The following BSX variants were observed in gnomAD, a reference collection of about 807,000 sequenced individuals.
BSX encodes brain-specific homeobox protein homolog.
BSX carries 12 observed loss-of-function variants against 16.9 expected under a neutral mutation model. That is an observed-to-expected ratio of 0.71 (90% CI 0.46 to 1.15). The LOEUF is 1.15. BSX is among the 50% of genes most tolerant of loss of function. The probability of loss-of-function intolerance (pLI) is 0.00; values close to 1 mark genes in which losing one functional copy is unlikely to be tolerated. For synonymous variants in BSX, 160 were observed against 136.4 expected (o/e 1.17, Z -1.20); for missense variants, 292 against 311.8 (o/e 0.94, Z 0.48).
At chr11:122,980,688 C>A (rs967194104) in intron 1 of BSX, among the ~76,000 whole-genome samples, 1 of 152,194 alleles carries the variant, frequency 6.6e-6, no homozygotes, top group South Asian at 2.1e-4. Flanking sequence ...CCCAAACAGA[C>A]TTTGCTAGCC....
chr11:122,981,362 G>T (rs1173291526), intron 1 of BSX, 48 bp downstream of exon 1: 1 of 1,463,636 alleles, frequency 6.8e-7, no homozygotes, highest in Admixed American at 2.5e-5. Context: ...GTCTGTGCTA[G>T]AAGCCCTGCT....
Position 122,977,824 on chromosome 11 carries a change from G to A in BSX, c.527C>T (p.Pro176Leu). The change falls in exon 3 of 3, where the codon CCC becomes CTC. Residue 176 changes from proline (P) to leucine (L), a missense_variant. This residue lies in a region of BSX where 107 missense variants were observed against 97.1 expected (regional missense o/e 1.10). Coordinates refer to ENST00000343035, the MANE Select transcript of BSX (RefSeq NM_001098169.2). This position sits in a 1 kb window ranked among gnomAD's most constrained non-coding sequence, Gnocchi z 4.5. ...KKQLRKSQDE[P>L]KAPDGPESPE... ...GCTTTCTGGCCCGTCTGGTGCTTTG[G>A]GTTCGTCTTGGCTTTTCCGCAGTTG... The A allele has an allele frequency of 6.2e-7, 1 of 1,614,004 alleles. No individual in the cohort carries two copies. Among genetic ancestry groups the A allele is most frequent in the Non-Finnish European group, 8.5e-7 (1 of 1,179,940 alleles).
Position 122,981,446 on chromosome 11 carries a change from C to G in BSX, c.226G>C (p.Gly76Arg). The G allele has an allele frequency of 6.4e-7, 1 of 1,567,606 alleles. No individual in the cohort carries two copies. Among genetic ancestry groups the G allele is most frequent in the Non-Finnish European group, 8.7e-7 (1 of 1,155,396 alleles). Residue 76 changes from glycine to arginine, a missense_variant, in exon 1 of 3, where the codon GGA (glycine) becomes CGA (arginine). Physicochemically the swap from Gly to Arg is moderately radical, Grantham distance 125 (BLOSUM62 -2). This residue lies in a region of BSX where 176 missense variants were observed against 187.2 expected (regional missense o/e 0.94). Coordinates refer to ENST00000343035, the MANE Select transcript of BSX (RefSeq NM_001098169.2). ...AGGAAATAAGGATGATGGTGGTCTC[C>G]CTTATGCAGAGGGTGATGGGCGTGA... ...APHAHHPLHKGDHHHPYFLTT... is the reference protein window; with the variant it reads ...APHAHHPLHKRDHHHPYFLTT...
chr11:122,978,286 T>C (rs1419250661), intron 2 of BSX, among the ~76,000 whole-genome samples: 1 of 151,944 alleles, frequency 6.6e-6, no homozygotes, highest in African/African-American at 2.4e-5. Flanking sequence ...GGAGAGAAAA[T>C]CAGACCCGGG....
chr11:122,978,385 A>C lies in BSX; in HGVS notation c.460-494T>G, dbSNP rs542906139. Among the ~76,000 whole-genome samples, 3 of 152,322 alleles carry C rather than the reference A, an allele frequency of 2.0e-5. No homozygotes were observed. The South Asian group carries it at 6.2e-4, about 32-fold the overall frequency. ...AGAGAGGATGGGGTTTTGAGGTTGCAGGTGAATAGCGCCTAGAGGAAGATA... is the reference window on the plus strand; with the variant it reads ...AGAGAGGATGGGGTTTTGAGGTTGCCGGTGAATAGCGCCTAGAGGAAGATA... On this transcript the variant is annotated intron_variant, in intron 2 of 2. Transcript: ENST00000343035.
intron 1 of BSX, among the ~76,000 whole-genome samples, chr11:122,980,197 T>G (rs1304809244): frequency 1.3e-5 from 2 of 151,186 alleles, no homozygotes; most frequent in Non-Finnish European, 2.9e-5. Context: ...GTTTGAGGGG[T>G]TTTTCCATGG....
chr11:122,977,922 G>A lies in BSX; in HGVS notation c.460-31C>T, dbSNP rs1312972742. The A allele has an allele frequency of 6.2e-7, 1 of 1,610,352 alleles. No homozygotes were observed. The highest frequency in any genetic ancestry group is 1.7e-5 in the Admixed American group (1 of 59,942). On this transcript the variant is annotated intron_variant, in intron 2 of 2. Transcript: ENST00000343035. The surrounding 1 kb of genome is among the most constrained non-coding windows in gnomAD (Gnocchi z 4.5). Reference sequence around the variant, plus strand: ...TTCGGGGAGATAAAAATAAAATCATGTCATTCCTCCAAATCTGAGCCATCG... The same window carrying A: ...TTCGGGGAGATAAAAATAAAATCATATCATTCCTCCAAATCTGAGCCATCG...
chr11:122,980,003 C>T (rs983976608), intron 1 of BSX, among the ~76,000 whole-genome samples: 5 of 152,174 alleles, frequency 3.3e-5, no homozygotes, highest in African/African-American at 1.2e-4. Context: ...TATCCCCCTG[C>T]AGCCAAAGGG....
At position 122,977,796 on chromosome 11, in the gene BSX, G is replaced by C. The variant is rs754123780; in HGVS notation, c.555C>G (p.Pro185=). Residue 185 remains proline (P), a synonymous_variant, in exon 3 of 3, where the codon CCC becomes CCG. Transcript: ENST00000343035. The surrounding 1 kb of genome is among the most constrained non-coding windows in gnomAD (Gnocchi z 4.5). ...CCTCTGAACCGCGGGGGCTGCCCTC[G>C]GGGCTTTCTGGCCCGTCTGGTGCTT... ...EPKAPDGPES[P]EGSPRGSEAA... is the part of the protein sequence containing the mutation. 26 of 1,613,856 alleles carry C rather than the reference G, an allele frequency of 1.6e-5. No homozygotes were observed. The East Asian group carries it at 4.7e-4, about 29-fold the overall frequency.
At chr11:122,979,174 C>A in intron 2 of BSX, 87 bp downstream of exon 2, 1 of 1,268,942 alleles carries the variant, frequency 7.9e-7, no homozygotes, top group Non-Finnish European at 1.1e-6. Flanking sequence ...TATTTCTACT[C>A]GAACTCCACA....
Position 122,977,574 on chromosome 11 carries a change from C to T in BSX, c.*75G>A. 2.0e-6 allele frequency: 3 copies of T among 1,507,968 alleles called. No individual in the cohort carries two copies. Among genetic ancestry groups the T allele is most frequent in the South Asian group, 2.6e-5 (2 of 77,264 alleles). The allele number at this position is 1,507,968 out of a possible 1,614,324, so 93.4% of individuals were successfully genotyped here. A position where few individuals can be genotyped will look rare whatever the true frequency, so the allele number is the denominator to read the frequency against. ...CCCGCCACGAGACTGGAGTCTGAGT[C>T]TTCCGGTCCAGGAGGGAACCGCGCT... is the stretch of plus-strand genomic sequence containing the variant. On this transcript the variant is annotated 3_prime_UTR_variant, in exon 3 of 3. Coordinates refer to ENST00000343035, the MANE Select transcript of BSX (RefSeq NM_001098169.2). This position sits in a 1 kb window ranked among gnomAD's most constrained non-coding sequence, Gnocchi z 4.5.
chr11:122,980,031 T>G (rs1386790520), intron 1 of BSX, among the ~76,000 whole-genome samples: 2 of 152,182 alleles, frequency 1.3e-5, no homozygotes, highest in African/African-American at 4.8e-5. Flanking sequence ...AACTGCCTTA[T>G]CCGGAGAAGC....
rs191133670 is a variant in BSX at position 122,978,863 on chromosome 11, C to T, written c.459+398G>A. 6.4e-4 allele frequency among the ~76,000 whole-genome samples: 81 copies of T among 127,092 alleles called. 1 individual carries two copies. Among genetic ancestry groups the T allele is most frequent in the Admixed American group, 3.7e-3 (36 of 9,810 alleles). The allele number at this position is 127,092 out of a possible 152,430, so 83.4% of individuals were successfully genotyped here. A position where few individuals can be genotyped will look rare whatever the true frequency, so the allele number is the denominator to read the frequency against. Reference sequence around the variant, plus strand: ...CTCTGTCGCCCACGCTGGAGTGCAGCGGCGCGATCTCGGCTCACTGCAACC... The same window carrying T: ...CTCTGTCGCCCACGCTGGAGTGCAGTGGCGCGATCTCGGCTCACTGCAACC... On this transcript the variant is annotated intron_variant, in intron 2 of 2. Transcript: ENST00000343035.
chr11:122,978,035 G>A, intron 2 of BSX, 144 bp from the exon 3 acceptor site: 1 of 967,072 alleles, frequency 1.0e-6, no homozygotes, highest in Non-Finnish European at 1.6e-6. Flanking sequence ...ATCGCCTTAA[G>A]CCGAATGAGA....
In BSX at chr11:122,977,729, G is replaced by T. The variant is rs1864514627; in HGVS notation, c.622C>A (p.Pro208Thr). The T allele has an allele frequency of 3.7e-6, 6 of 1,608,658 alleles. No individual in the cohort carries two copies. The Admixed American group carries it at 5.0e-5, about 13-fold the overall frequency. ...AEARLSLPAGPFVLTEPEDEV... is the reference protein window; with the variant it reads ...AEARLSLPAGTFVLTEPEDEV... ...TCCTCTGGCTCGGTCAGCACGAAGG[G>T]ACCGGCGGGCAGGCTCAGCCGAGCC... The change falls in exon 3 of 3, where the codon CCC (proline) becomes ACC (threonine). Residue 208 changes from proline to threonine, a missense_variant. By Grantham distance (38) the Pro-to-Thr change is conservative (BLOSUM62 -1). Transcript: ENST00000343035. The surrounding 1 kb of genome is among the most constrained non-coding windows in gnomAD (Gnocchi z 4.5).
chr11:122,981,386 T>C, intron 1 of BSX, 24 bp downstream of exon 1: 2 of 1,498,634 alleles, frequency 1.3e-6, no homozygotes, highest in Non-Finnish European at 1.8e-6. Flanking sequence ...TCACTGCCCA[T>C]ACCTTGAGGT....
chr11:122,979,041 T>G (rs1183650572), intron 2 of BSX, among the ~76,000 whole-genome samples: 1 of 152,088 alleles, frequency 6.6e-6, no homozygotes, highest in Non-Finnish European at 1.5e-5. Context: ...CCTGACCTCG[T>G]GATCCGCCCG....
At chr11:122,979,888 GA>G (rs1864547818) in intron 1 of BSX, among the ~76,000 whole-genome samples, 1 of 151,966 alleles carries the variant, frequency 6.6e-6, no homozygotes, top group Non-Finnish European at 1.5e-5. Context: ...TATCCTCCTA[GA>G]CCCCTGATGA....
rs1310626813 is a variant in BSX at position 122,977,879 on chromosome 11, A to G, written c.472T>C (p.Phe158Leu). 6.2e-7 allele frequency: 1 copy of G among 1,613,678 alleles called. No individual in the cohort carries two copies. The highest frequency in any genetic ancestry group is 1.3e-5 in the African/African-American group (1 of 74,920). The change falls in exon 3 of 3, where the codon TTC becomes CTC. Residue 158 changes from phenylalanine to leucine, a missense_variant. Around this residue, in one of 3 missense-constraint regions of BSX, gnomAD observed 9 missense variants for 27.5 expected, o/e 0.33. Coordinates refer to ENST00000343035, the MANE Select transcript of BSX (RefSeq NM_001098169.2). This position sits in a 1 kb window ranked among gnomAD's most constrained non-coding sequence, Gnocchi z 4.5. ...SLSETQVKTWFQNRRMKHKKQ... is the reference protein window; with the variant it reads ...SLSETQVKTWLQNRRMKHKKQ... ...TTATGCTTCATCCGCCGGTTCTGGAACCACGTTTTCACCTGATTTCGGGGA... is the reference window on the plus strand; with the variant it reads ...TTATGCTTCATCCGCCGGTTCTGGAGCCACGTTTTCACCTGATTTCGGGGA...
Sources: allele counts gnomAD v4.1 joint callset (sites outside exome capture counted in the v4.1 genomes callset), GRCh38; gene constraint gnomAD v4.1.1; regional missense constraint gnomAD v4.1.1; non-coding constraint Gnocchi (gnomAD v3.1); transcripts MANE v1.5; gene names NCBI Gene and HGNC (gene_info 2026-07-23, HGNC 2026-07-21).